The following PSD2 variants were observed in gnomAD, a reference collection of about 807,000 sequenced individuals.
PSD2 encodes PH and SEC7 domain-containing protein 2.
A neutral mutation model predicts 69.8 loss-of-function variants in PSD2; 38 were observed. The observed-to-expected ratio is 0.54, with a 90% confidence interval of 0.42 to 0.71. PSD2 has a LOEUF of 0.71. PSD2 is among the 30% of genes least tolerant of loss of function. The pLI is 0.00. For missense variants in PSD2, 943 were observed against 1,014.5 expected (o/e 0.93, Z 0.96); for synonymous variants, 412 against 423.0 (o/e 0.97, Z 0.32).
chr5:139,824,482 C>T (rs1405699411), intron 7 of PSD2, among the ~76,000 whole-genome samples: 3 of 150,136 alleles, frequency 2.0e-5, no homozygotes, highest in Non-Finnish European at 3.0e-5. Context: ...CCACAAGCCT[C>T]GCCTCCCAGG....
At chr5:139,766,845 T>C in the PSD2 span, among the ~76,000 whole-genome samples, 104 of 147,760 alleles carry the variant, frequency 7.0e-4, 1 homozygote, top group East Asian at 3.4e-3. Context: ...CTTTCTTTCT[T>C]TCTTTCTTTC....
the PSD2 span, among the ~76,000 whole-genome samples, chr5:139,746,425 T>TG: frequency 2.4e-4 from 37 of 152,234 alleles, no homozygotes; most frequent in African/African-American, 7.7e-4. This position sits in a 1 kb window ranked among gnomAD's most constrained non-coding sequence, Gnocchi z 4.5. Flanking sequence ...AAGGCGGGGC[T>TG]GGGGGGTCAC....
intron 2 of PSD2, among the ~76,000 whole-genome samples, chr5:139,812,429 T>C (rs1759993661): frequency 6.6e-6 from 1 of 152,138 alleles, no homozygotes; most frequent in Admixed American, 6.5e-5. Flanking sequence ...GGAAGCGTGG[T>C]TGGGGCCATG....
chr5:139,828,416 C>A (rs972248064), intron 7 of PSD2, among the ~76,000 whole-genome samples: 7 of 152,070 alleles, frequency 4.6e-5, no homozygotes, highest in Non-Finnish European at 8.8e-5. Context: ...GAGTTTCTGG[C>A]GAAGCGCATT....
the PSD2 span, among the ~76,000 whole-genome samples, chr5:139,771,694 A>G: frequency 2.0e-5 from 3 of 152,150 alleles, no homozygotes; most frequent in Admixed American, 1.3e-4. Flanking sequence ...TTTCCTTTCT[A>G]TAACATTCTT....
In PSD2 at chr5:139,813,261, A is replaced by G. The variant is rs755354803; in HGVS notation, c.372-48A>G. The G allele has an allele frequency of 6.1e-6, 9 of 1,468,824 alleles. No individual in the cohort carries two copies. In the Admixed American group the frequency reaches 8.3e-5, roughly 14 times the overall value. 91.0% of individuals were successfully genotyped at this position (1,468,824 alleles called of 1,614,324 possible). On this transcript the variant is annotated intron_variant, in intron 2 of 14. Coordinates refer to ENST00000274710, the MANE Select transcript of PSD2 (RefSeq NM_032289.4). ...GATGAGTGTAGTCACCAGCACCTGT[A>G]TGGGGGACAGCTTGGCAGGATGGTG...
the PSD2 span, among the ~76,000 whole-genome samples, chr5:139,751,734 A>AG: frequency 1.3e-5 from 2 of 150,796 alleles, no homozygotes; most frequent in African/African-American, 4.9e-5. Flanking sequence ...ATGACCTCCA[A>AG]GGTTGCTCTT....
chr5:139,756,610 G>A, the PSD2 span, among the ~76,000 whole-genome samples: 1 of 152,200 alleles, frequency 6.6e-6, no homozygotes, highest in African/African-American at 2.4e-5. Flanking sequence ...GCACAGGCGA[G>A]GAGGCAGGAC....
intron 1 of PSD2, among the ~76,000 whole-genome samples, chr5:139,809,019 A>G (rs1031743486): frequency 6.6e-6 from 1 of 152,162 alleles, no homozygotes; most frequent in Non-Finnish European, 1.5e-5. Context: ...GTGGTTTGTC[A>G]CCATCACTCA....
intron 2 of PSD2, among the ~76,000 whole-genome samples, chr5:139,812,502 C>G (rs1214758518): frequency 6.6e-6 from 1 of 152,176 alleles, no homozygotes; most frequent in Non-Finnish European, 1.5e-5. Flanking sequence ...CAAGCACCTA[C>G]TATGTGCGGG....
chr5:139,821,243 T>A (rs1760250633), intron 5 of PSD2, among the ~76,000 whole-genome samples: 1 of 152,168 alleles, frequency 6.6e-6, no homozygotes, highest in African/African-American at 2.4e-5. Flanking sequence ...CAGTGATGGA[T>A]TTTAAGCAGT....
chr5:139,779,472 C>CAGTA, the PSD2 span, among the ~76,000 whole-genome samples: 1 of 152,192 alleles, frequency 6.6e-6, no homozygotes, highest in Non-Finnish European at 1.5e-5. Context: ...TTACAGCTAT[C>CAGTA]AGTACACTTT....
intron 7 of PSD2, among the ~76,000 whole-genome samples, chr5:139,826,731 G>A (rs1760431085): frequency 3.3e-5 from 5 of 152,250 alleles, no homozygotes; most frequent in Admixed American, 1.3e-4. Context: ...GTCAGGCAGG[G>A]TCCAGGGTGG....
the PSD2 span, among the ~76,000 whole-genome samples, chr5:139,766,368 C>A: frequency 1.9e-4 from 29 of 152,302 alleles, no homozygotes; most frequent in South Asian, 5.2e-3. Context: ...TCTGCCTCTG[C>A]CCGTCTACCA....
At chr5:139,772,374 G>C in the PSD2 span, among the ~76,000 whole-genome samples, 4 of 152,166 alleles carry the variant, frequency 2.6e-5, no homozygotes, top group African/African-American at 9.7e-5. Flanking sequence ...AAAAGCATTT[G>C]GTGCAGAGCT....
the PSD2 span, among the ~76,000 whole-genome samples, chr5:139,766,248 A>G: frequency 2.0e-5 from 3 of 152,350 alleles, no homozygotes; most frequent in Admixed American, 2.0e-4. Flanking sequence ...GGGGCGATAC[A>G]GGATTGGTGG....
intron 7 of PSD2, among the ~76,000 whole-genome samples, chr5:139,823,183 G>C (rs1273993913): frequency 6.6e-6 from 1 of 152,230 alleles, no homozygotes; most frequent in Non-Finnish European, 1.5e-5. Flanking sequence ...ACTGGTGTGG[G>C]ACGCCCAGGC....
the PSD2 span, among the ~76,000 whole-genome samples, chr5:139,744,172 A>C: frequency 4.6e-5 from 7 of 152,178 alleles, no homozygotes; most frequent in African/African-American, 1.4e-4. Flanking sequence ...CCCTGCGCCC[A>C]GAAGGCCTGA....
intron 7 of PSD2, among the ~76,000 whole-genome samples, chr5:139,828,417 G>A (rs187214327): frequency 3.9e-4 from 60 of 152,298 alleles, no homozygotes; most frequent in African/African-American, 1.4e-3. Flanking sequence ...AGTTTCTGGC[G>A]AAGCGCATTG....
Sources: allele counts gnomAD v4.1 joint callset (sites outside exome capture counted in the v4.1 genomes callset), GRCh38; gene constraint gnomAD v4.1.1; non-coding constraint Gnocchi (gnomAD v3.1); transcripts MANE v1.5; gene names NCBI Gene and HGNC (gene_info 2026-07-23, HGNC 2026-07-21).